Variants in MFHAS1 observed in about 807,000 individuals in gnomAD.
The protein encoded by MFHAS1 is multifunctional ROCO family signaling regulator 1, also known as malignant fibrous histiocytoma-amplified sequence 1.
In MFHAS1, 50 loss-of-function variants were observed where a neutral mutation model predicts 70.4. That is an observed-to-expected ratio of 0.71 (90% CI 0.57 to 0.90). The LOEUF is 0.90. Among genes scored for constraint, MFHAS1 ranks in the 40% least tolerant of loss-of-function variants. The pLI is 0.00. For synonymous variants in MFHAS1, 952 were observed against 620.0 expected (o/e 1.54, Z -7.96); for missense variants, 1,795 against 1,347.6 (o/e 1.33, Z -5.20).
intron 1 of MFHAS1, among the ~76,000 whole-genome samples, chr8:8,840,179 G>A (rs558094780): frequency 1.5e-4 from 23 of 152,238 alleles, no homozygotes; most frequent in African/African-American, 4.6e-4. Context: ...ATTACTGGCC[G>A]GGCACAGTGA....
At chr8:8,806,877 C>T (rs1806309817) in intron 1 of MFHAS1, among the ~76,000 whole-genome samples, 1 of 152,026 alleles carries the variant, frequency 6.6e-6, no homozygotes, top group Admixed American at 6.6e-5. Flanking sequence ...AGGAGAATCG[C>T]TTGAACCCGG....
At chr8:8,882,522 G>T (rs1021025108) in intron 1 of MFHAS1, among the ~76,000 whole-genome samples, 5 of 152,224 alleles carry the variant, frequency 3.3e-5, no homozygotes, top group Non-Finnish European at 7.3e-5. Flanking sequence ...TGAGGCAGAA[G>T]AATCACTTGA....
At chr8:8,855,284 A>G (rs946546181) in intron 1 of MFHAS1, among the ~76,000 whole-genome samples, 1 of 152,166 alleles carries the variant, frequency 6.6e-6, no homozygotes, top group African/African-American at 2.4e-5. Context: ...CAATCTTAAC[A>G]TTGTATTAGG....
chr8:8,887,479 A>G (rs1400139935), intron 1 of MFHAS1, among the ~76,000 whole-genome samples: 2 of 151,542 alleles, frequency 1.3e-5, no homozygotes, highest in African/African-American at 2.4e-5. Flanking sequence ...CTTTTGAAAA[A>G]CAACACAATT....
Position 8,891,084 on chromosome 8 carries a change from G to C in MFHAS1, c.1975C>G (p.Leu659Val), listed in dbSNP as rs146307219. The part of the protein sequence containing the change: ...REIFPNLHRV[L>V]PRSWQVLEEL... ...TCCAGCACCTGCCAGGATCGAGGCA[G>C]TACTCTGTGTAAGTTGGGGAAGATC... Residue 659 changes from leucine (L) to valine (V), a missense_variant, in exon 1 of 3, where the codon CTG becomes GTG. Leu to Val is a conservative substitution (Grantham distance 32, BLOSUM62 1). Coordinates refer to ENST00000276282, the MANE Select transcript of MFHAS1 (RefSeq NM_004225.3). This position sits in a 1 kb window ranked among gnomAD's most constrained non-coding sequence, Gnocchi z 5.4. 1.7e-5 allele frequency: 28 copies of C among 1,613,768 alleles called. No individual in the cohort carries two copies. Among genetic ancestry groups the C allele is most frequent in the Non-Finnish European group, 2.1e-5 (25 of 1,179,982 alleles).
intron 1 of MFHAS1, among the ~76,000 whole-genome samples, chr8:8,843,032 G>A (rs539277731): frequency 3.3e-5 from 5 of 152,202 alleles, no homozygotes; most frequent in African/African-American, 1.2e-4. Context: ...TTGGGAGGCC[G>A]AGGCGGGTGG....
At chr8:8,806,876 G>A (rs558779515) in intron 1 of MFHAS1, among the ~76,000 whole-genome samples, 8 of 151,884 alleles carry the variant, frequency 5.3e-5, no homozygotes, top group East Asian at 1.9e-4. Flanking sequence ...CAGGAGAATC[G>A]CTTGAACCCG....
intron 1 of MFHAS1, among the ~76,000 whole-genome samples, chr8:8,879,558 C>G (rs1055664012): frequency 6.6e-6 from 1 of 152,312 alleles, no homozygotes; most frequent in Admixed American, 6.5e-5. Flanking sequence ...TTTCCACCTA[C>G]TCATACATCT....
At chr8:8,860,933 T>C (rs1808636889) in intron 1 of MFHAS1, among the ~76,000 whole-genome samples, 1 of 152,220 alleles carries the variant, frequency 6.6e-6, no homozygotes, top group African/African-American at 2.4e-5. Context: ...TTCATCACTA[T>C]GAAAGCCCAA....
chr8:8,818,198 A>G (rs988062178), intron 1 of MFHAS1, among the ~76,000 whole-genome samples: 1 of 125,770 alleles, frequency 8.0e-6, no homozygotes, highest in Non-Finnish European at 2.0e-5. Flanking sequence ...AAGTCAGTAG[A>G]CTCAGAAGAG....
chr8:8,833,024 T>C (rs1807464473), intron 1 of MFHAS1, among the ~76,000 whole-genome samples: 1 of 152,154 alleles, frequency 6.6e-6, no homozygotes. Context: ...AACGAGCTTT[T>C]ACTCATCACA....
At chr8:8,863,172 T>C (rs945882646) in intron 1 of MFHAS1, among the ~76,000 whole-genome samples, 3 of 152,220 alleles carry the variant, frequency 2.0e-5, no homozygotes, top group African/African-American at 7.2e-5. Context: ...TCTATTCTGT[T>C]CCATCAATCT....
chr8:8,866,177 T>G (rs73190091), intron 1 of MFHAS1, among the ~76,000 whole-genome samples: 13,675 of 152,190 alleles, frequency 0.09, 706 homozygotes, highest in Middle Eastern at 0.12. Context: ...CTCTTTACCA[T>G]TGGTTCAGTA....
chr8:8,823,263 A>G (rs1054292269), intron 1 of MFHAS1, among the ~76,000 whole-genome samples: 3 of 152,242 alleles, frequency 2.0e-5, no homozygotes, highest in African/African-American at 7.2e-5. Flanking sequence ...ACAAATTATT[A>G]TAAAAACAGC....
chr8:8,830,960 G>T (rs1400833406), intron 1 of MFHAS1, among the ~76,000 whole-genome samples: 2 of 152,114 alleles, frequency 1.3e-5, no homozygotes, highest in African/African-American at 4.8e-5. Flanking sequence ...GTCTGCTCAG[G>T]TTGCTATACC....
At chr8:8,828,678 C>T (rs148953746) in intron 1 of MFHAS1, among the ~76,000 whole-genome samples, 478 of 152,342 alleles carry the variant, frequency 3.1e-3, no homozygotes, top group African/African-American at 0.011. Context: ...CTGGAGATGC[C>T]CACTGCCCAC....
At chr8:8,810,715 A>G (rs1806514419) in intron 1 of MFHAS1, among the ~76,000 whole-genome samples, 2 of 152,250 alleles carry the variant, frequency 1.3e-5, no homozygotes, top group Non-Finnish European at 2.9e-5. Context: ...CTTCCAGTCA[A>G]CAATAGGCTA....
At chr8:8,791,125 GTTTTTT>G (rs34714915) in intron 2 of MFHAS1, among the ~76,000 whole-genome samples, 23,838 of 132,606 alleles carry the variant, frequency 0.18, 2,018 homozygotes, top group Non-Finnish European at 0.21. Flanking sequence ...CACCCCACCC[GTTTTTT>G]TTTTTTTTTT....
At position 8,892,381 on chromosome 8, in the gene MFHAS1, C is replaced by T. The variant is rs567320307; in HGVS notation, c.678G>A (p.Leu226=). The T allele has an allele frequency of 6.2e-7, 1 of 1,612,726 alleles. No individual in the cohort carries two copies. The highest frequency in any genetic ancestry group is 8.5e-7 in the Non-Finnish European group (1 of 1,179,956). The change falls in exon 1 of 3, where the codon CTG becomes CTA. Residue 226 remains leucine, a synonymous_variant. Transcript: ENST00000276282. The surrounding 1 kb of genome is among the most constrained non-coding windows in gnomAD (Gnocchi z 4.7). ...LRGLPEDISA[L]RALKILWLSG... ...TCAGCCAGAGGATCTTGAGGGCACG[C>T]AGGGCACTGATATCCTCAGGCAGGC...
Sources: allele counts gnomAD v4.1 joint callset (sites outside exome capture counted in the v4.1 genomes callset), GRCh38; gene constraint gnomAD v4.1.1; non-coding constraint Gnocchi (gnomAD v3.1); transcripts MANE v1.5; gene names NCBI Gene and HGNC (gene_info 2026-07-23, HGNC 2026-07-21).